The following TMPRSS15 variants were observed in gnomAD, a reference collection of about 807,000 sequenced individuals.
The protein encoded by TMPRSS15 is enteropeptidase.
TMPRSS15 carries 128 observed loss-of-function variants against 125.3 expected under a neutral mutation model. The ratio of observed to expected loss-of-function variants is 1.02; its 90% CI spans 0.89 to 1.18. The LOEUF (loss-of-function observed/expected upper bound fraction) is 1.18. Among genes scored for constraint, TMPRSS15 ranks in the 50% most tolerant of loss-of-function variants. The probability of loss-of-function intolerance (pLI) is 0.00; values close to 1 mark genes in which losing one functional copy is unlikely to be tolerated. For synonymous variants in TMPRSS15, 446 were observed against 423.2 expected (o/e 1.05, Z -0.66); for missense variants, 1,283 against 1,212.7 (o/e 1.06, Z -0.86).
chr21:18,314,083 A>G (rs1033788422), intron 17 of TMPRSS15, among the ~76,000 whole-genome samples: 1 of 151,538 alleles, frequency 6.6e-6, no homozygotes, highest in Non-Finnish European at 1.5e-5. Context: ...ACCTACAAAC[A>G]CTATGTTGTA....
intron 19 of TMPRSS15, among the ~76,000 whole-genome samples, chr21:18,295,520 A>T (rs979897396): frequency 6.6e-6 from 1 of 152,226 alleles, no homozygotes; most frequent in South Asian, 2.1e-4. Context: ...CTAATTGTGC[A>T]TGCTGTTTAG....
intron 1 of TMPRSS15, among the ~76,000 whole-genome samples, chr21:18,442,238 A>G (rs1322739875): frequency 6.6e-6 from 1 of 152,078 alleles, no homozygotes; most frequent in African/African-American, 2.4e-5. Context: ...TGCTCTCTCC[A>G]TCAGATATGG....
chr21:18,316,636 G>T (rs546844124), intron 16 of TMPRSS15, among the ~76,000 whole-genome samples: 2 of 152,282 alleles, frequency 1.3e-5, no homozygotes, highest in East Asian at 3.9e-4. Context: ...GAAAAACCTG[G>T]GCAAAGAAGA....
chr21:18,353,671 A>G, intron 9 of TMPRSS15, 52 bp downstream of exon 9: 3 of 1,538,132 alleles, frequency 2.0e-6, no homozygotes, highest in African/African-American at 1.4e-5. Context: ...AAATTCCATC[A>G]TAACATTAAA....
intron 16 of TMPRSS15, among the ~76,000 whole-genome samples, chr21:18,322,015 T>C (rs921260053): frequency 1.3e-5 from 2 of 152,250 alleles, no homozygotes; most frequent in African/African-American, 4.8e-5. Flanking sequence ...CATACTAATT[T>C]AACAGTATAA....
intron 7 of TMPRSS15, among the ~76,000 whole-genome samples, chr21:18,363,554 G>T (rs1282264359): frequency 9.4e-6 from 1 of 106,480 alleles, no homozygotes; most frequent in African/African-American, 3.4e-5. Context: ...ACCCAATTAT[G>T]CAGATTAGTT....
intron 13 of TMPRSS15, among the ~76,000 whole-genome samples, chr21:18,339,080 A>T (rs1025058407): frequency 2.0e-5 from 3 of 152,054 alleles, no homozygotes; most frequent in Admixed American, 6.6e-5. Flanking sequence ...CATTGCTTCA[A>T]ATATTTATTT....
chr21:18,443,370 T>G (rs1454896802), intron 1 of TMPRSS15, among the ~76,000 whole-genome samples: 2 of 152,102 alleles, frequency 1.3e-5, no homozygotes, highest in Non-Finnish European at 2.9e-5. Flanking sequence ...GGGTTCAGCA[T>G]GGAGCCAGGA....
intron 13 of TMPRSS15, among the ~76,000 whole-genome samples, chr21:18,339,618 G>C (rs1236877967): frequency 1.3e-5 from 2 of 152,104 alleles, no homozygotes; most frequent in Non-Finnish European, 2.9e-5. Context: ...AAACACACAT[G>C]AGGTTTAACC....
chr21:18,426,574 A>G (rs1232328276), intron 1 of TMPRSS15, among the ~76,000 whole-genome samples: 1 of 152,234 alleles, frequency 6.6e-6, no homozygotes, highest in African/African-American at 2.4e-5. Context: ...CTTCTGAAGC[A>G]TGCAAACCCT....
At position 18,269,832 on chromosome 21, in the gene TMPRSS15, T is replaced by C; in HGVS notation, c.*137A>G. 9.4e-7 allele frequency: 1 copy of C among 1,060,562 alleles called. No homozygotes were observed. Among genetic ancestry groups the C allele is most frequent in the Non-Finnish European group, 1.4e-6 (1 of 728,200 alleles). 65.7% of individuals were successfully genotyped at this position (1,060,562 alleles called of 1,614,324 possible). A position where few individuals can be genotyped will look rare whatever the true frequency, so the allele number is the denominator to read the frequency against. ...TTAAAATTTTGTTTCCCTGGCCCCC[T>C]AGCATTTCATTGACATAGGTAAGAA... On this transcript the variant is annotated 3_prime_UTR_variant, in exon 25 of 25. Coordinates refer to ENST00000284885, the MANE Select transcript of TMPRSS15 (RefSeq NM_002772.3).
intron 1 of TMPRSS15, among the ~76,000 whole-genome samples, chr21:18,483,415 A>T (rs928624186): frequency 1.3e-5 from 2 of 151,812 alleles, no homozygotes; most frequent in Admixed American, 6.6e-5. Context: ...TGGTTCTAAC[A>T]TTAGAGTTTC....
At chr21:18,367,942 C>T (rs2075754247) in intron 6 of TMPRSS15, among the ~76,000 whole-genome samples, 1 of 152,110 alleles carries the variant, frequency 6.6e-6, no homozygotes, top group Non-Finnish European at 1.5e-5. Context: ...GCAATGACAT[C>T]ACCCACTCTT....
At chr21:18,323,662 A>G (rs1223423412) in intron 16 of TMPRSS15, among the ~76,000 whole-genome samples, 3 of 152,158 alleles carry the variant, frequency 2.0e-5, no homozygotes, top group Non-Finnish European at 4.4e-5. Context: ...AAAAATCTCA[A>G]TTACTTCAGG....
rs567157784 is a variant in TMPRSS15, at chr21:18,391,921, G to A, written c.344+5958C>T. On this transcript the variant is annotated intron_variant, in intron 3 of 24. Coordinates refer to ENST00000284885, the MANE Select transcript of TMPRSS15 (RefSeq NM_002772.3). ...GCGGGCCCACGTGGAAGTTGCCAAAGTGTAGAGCTTGCACCCTCTTAAGCA... is the reference window on the plus strand; with the variant it reads ...GCGGGCCCACGTGGAAGTTGCCAAAATGTAGAGCTTGCACCCTCTTAAGCA... Among the ~76,000 whole-genome samples, 126 of 152,352 alleles carry A rather than the reference G, an allele frequency of 8.3e-4. 4 individuals carry two copies. The South Asian group carries it at 0.025, about 30-fold the overall frequency.
intron 1 of TMPRSS15, among the ~76,000 whole-genome samples, chr21:18,426,637 T>C (rs1438114248): frequency 1.3e-5 from 2 of 149,356 alleles, no homozygotes; most frequent in Non-Finnish European, 2.9e-5. Flanking sequence ...CCACAGTTAA[T>C]AGAGGACTTT....
chr21:18,463,246 CAAAAAAAAAAAAA>C (rs57033426), intron 1 of TMPRSS15, among the ~76,000 whole-genome samples: 23 of 11,520 alleles, frequency 2.0e-3, no homozygotes, highest in East Asian at 0.014. Context: ...AAATGGAAAG[CAAAAAAAAAAAAA>C]AAAAAAAAAA....
At chr21:18,371,994 T>A (rs1051065007) in intron 6 of TMPRSS15, among the ~76,000 whole-genome samples, 199 bp downstream of exon 6, 1 of 151,850 alleles carries the variant, frequency 6.6e-6, no homozygotes, top group Non-Finnish European at 1.5e-5. Flanking sequence ...ATTTATAAAG[T>A]TTAGGAAAAT....
intron 24 of TMPRSS15, among the ~76,000 whole-genome samples, chr21:18,273,976 A>G (rs2074590708): frequency 6.6e-6 from 1 of 152,226 alleles, no homozygotes; most frequent in South Asian, 2.1e-4. Flanking sequence ...AGTATGACAT[A>G]TATGTGTTAA....
Sources: allele counts gnomAD v4.1 joint callset (sites outside exome capture counted in the v4.1 genomes callset), GRCh38; gene constraint gnomAD v4.1.1; transcripts MANE v1.5; gene names NCBI Gene and HGNC (gene_info 2026-07-23, HGNC 2026-07-21).